The following GIGYF2 variants were observed in gnomAD, a reference collection of about 807,000 sequenced individuals.
GIGYF2 encodes GRB10-interacting GYF protein 2.
Under a neutral mutation model 208.1 loss-of-function variants are expected in GIGYF2, and 25 were observed. The ratio of observed to expected loss-of-function variants is 0.12; its 90% CI spans 0.09 to 0.17. The LOEUF (loss-of-function observed/expected upper bound fraction) is 0.17, where lower values mean the gene tolerates loss of function less well. GIGYF2 is among the 10% of genes least tolerant of loss of function. GIGYF2 has a pLI of 1.00. For synonymous variants in GIGYF2, 534 were observed against 543.8 expected (o/e 0.98, Z 0.25); for missense variants, 1,302 against 1,579.4 (o/e 0.82, Z 2.98).
intron 8 of GIGYF2, among the ~76,000 whole-genome samples, chr2:232,762,882 TG>T (rs1206465295): frequency 6.6e-6 from 1 of 151,916 alleles, no homozygotes; most frequent in African/African-American, 2.4e-5. Context: ...ACCTGCATGA[TG>T]GTATGTGCCT....
At chr2:232,733,257 CAAAAAAAAAAA>C (rs397868481) in intron 2 of GIGYF2, among the ~76,000 whole-genome samples, 2 of 91,208 alleles carry the variant, frequency 2.2e-5, no homozygotes, top group Non-Finnish European at 4.6e-5. Flanking sequence ...ACTCTTGTCT[CAAAAAAAAAAA>C]AAAAAAAAGT....
chr2:232,751,371 C>T (rs549909967), intron 5 of GIGYF2, among the ~76,000 whole-genome samples: 1 of 151,864 alleles, frequency 6.6e-6, no homozygotes. Context: ...TATACCAACA[C>T]GCCTGGCTAA....
At chr2:232,748,857 A>G in intron 4 of GIGYF2, 130 bp from the exon 5 acceptor site, 1 of 686,090 alleles carries the variant, frequency 1.5e-6, no homozygotes, top group Non-Finnish European at 2.7e-6. Flanking sequence ...TTATGGCTGA[A>G]TAAGCATTAA....
chr2:232,704,072 G>A (rs955616114), intron 2 of GIGYF2, among the ~76,000 whole-genome samples: 1 of 152,164 alleles, frequency 6.6e-6, no homozygotes, highest in Non-Finnish European at 1.5e-5. Flanking sequence ...TTGGCTGGTT[G>A]AACTTGGTTC....
At position 232,797,214 on chromosome 2, in the gene GIGYF2, G is replaced by A. The variant is rs148054315; in HGVS notation, c.1639+993G>A. On this transcript the variant is annotated intron_variant, in intron 14 of 28. Transcript: ENST00000373563. The stretch of plus-strand genomic sequence containing the variant: ...TGTAAGTTCGATTAGAATGGGCACA[G>A]AATGCTATCTATAAAGGATATTTGT... Among the ~76,000 whole-genome samples the A allele has an allele frequency of 7.6e-4, 115 of 152,280 alleles. 2 individuals are homozygous for A. In the East Asian group the frequency reaches 0.021, roughly 28 times the overall value.
At chr2:232,817,394 T>G (rs1370534816) in intron 20 of GIGYF2, among the ~76,000 whole-genome samples, 1 of 152,236 alleles carries the variant, frequency 6.6e-6, no homozygotes. Context: ...TGCTAACATA[T>G]ACATAACATA....
intron 2 of GIGYF2, among the ~76,000 whole-genome samples, chr2:232,708,484 C>G (rs1696233208): frequency 6.6e-6 from 1 of 151,866 alleles, no homozygotes; most frequent in African/African-American, 2.4e-5. Flanking sequence ...TATTGAGTAC[C>G]ATATCAATAT....
At chr2:232,810,492 G>GT (rs1271456793) in intron 16 of GIGYF2, 2 of 153,300 alleles carry the variant, frequency 1.3e-5, no homozygotes, top group Non-Finnish European at 2.9e-5. Context: ...AGTCAGTCAG[G>GT]TTTTGTTATG....
intron 2 of GIGYF2, among the ~76,000 whole-genome samples, chr2:232,712,112 C>G (rs2106258086): frequency 6.6e-6 from 1 of 152,002 alleles, no homozygotes; most frequent in South Asian, 2.1e-4. Flanking sequence ...CTTGAAAGGT[C>G]AAATTTTATA....
intron 6 of GIGYF2, among the ~76,000 whole-genome samples, chr2:232,759,870 CAGCTTT>C (rs1698680218): frequency 6.6e-6 from 1 of 152,062 alleles, no homozygotes. Flanking sequence ...GACACTCTAC[CAGCTTT>C]GTTGGTTCAA....
intron 2 of GIGYF2, among the ~76,000 whole-genome samples, chr2:232,708,887 C>T (rs932191729): frequency 4.0e-5 from 6 of 149,706 alleles, no homozygotes; most frequent in East Asian, 2.0e-4. Context: ...TTTGGGAAGC[C>T]GAGGTGGGTG....
At chr2:232,737,907 C>CTTTTTTT (rs11320395) in intron 3 of GIGYF2, among the ~76,000 whole-genome samples, 1 of 85,218 alleles carries the variant, frequency 1.2e-5, no homozygotes, top group Non-Finnish European at 2.2e-5. Context: ...TAAGCTTTAA[C>CTTTTTTT]TTTTTTTTTT....
rs1321529148 is a variant in GIGYF2, at chr2:232,857,655, G to T, written c.*795G>T. 1 of 152,620 alleles carries T rather than the reference G, an allele frequency of 6.6e-6. No homozygotes were observed. The highest frequency in any genetic ancestry group is 1.5e-5 in the Non-Finnish European group (1 of 68,044). 9.5% of individuals were successfully genotyped at this position (152,620 alleles called of 1,614,324 possible). ...TTAATTTTTCTTTCTTACAAAAACT[G>T]ATTTTTCCCATAAATATTTTTACTT... On this transcript the variant is annotated 3_prime_UTR_variant, in exon 29 of 29. Transcript: ENST00000373563.
At position 232,844,160 on chromosome 2, in the gene GIGYF2, C is replaced by T; in HGVS notation, c.3004C>T (p.Leu1002Phe). 1 of 1,569,110 alleles carries T rather than the reference C, an allele frequency of 6.4e-7. No individual in the cohort carries two copies. Reference sequence around the variant, plus strand: ...CAAACCTTCAGGTACCACGAAATCTCTTCTGGAGATCCAGCAGGAAGAGGC... The same window carrying T: ...CAAACCTTCAGGTACCACGAAATCTTTTCTGGAGATCCAGCAGGAAGAGGC... Reference protein sequence around the residue: ...VSKPSGTTKSLLEIQQEEARQ... With the variant: ...VSKPSGTTKSFLEIQQEEARQ... The change falls in exon 24 of 29, where the codon CTT becomes TTT. Residue 1002 changes from leucine (L) to phenylalanine (F), a missense_variant. Coordinates refer to ENST00000373563, the MANE Select transcript of GIGYF2 (RefSeq NM_001103146.3).
chr2:232,774,545 T>A (rs1410491626), intron 8 of GIGYF2, among the ~76,000 whole-genome samples: 1 of 152,188 alleles, frequency 6.6e-6, no homozygotes, highest in Non-Finnish European at 1.5e-5. Context: ...AATACTGTCA[T>A]TATAAATAAA....
intron 2 of GIGYF2, among the ~76,000 whole-genome samples, 170 bp downstream of exon 2, chr2:232,703,659 C>T (rs1695955035): frequency 6.6e-6 from 1 of 152,204 alleles, no homozygotes; most frequent in African/African-American, 2.4e-5. Context: ...GAGTAACATA[C>T]CCTTTCTGCA....
chr2:232,820,272 C>T (rs181405157), intron 21 of GIGYF2, among the ~76,000 whole-genome samples: 20 of 150,930 alleles, frequency 1.3e-4, no homozygotes, highest in African/African-American at 4.1e-4. Context: ...CAAACTAAAG[C>T]GGAATAGTAC....
intron 8 of GIGYF2, chr2:232,765,682 A>G (rs1698927002): frequency 5.2e-6 from 1 of 191,772 alleles, no homozygotes; most frequent in Admixed American, 5.7e-5. Context: ...TTAAAAAATA[A>G]TCCATATGAT....
At chr2:232,706,818 G>A (rs999064257) in intron 2 of GIGYF2, among the ~76,000 whole-genome samples, 2 of 151,596 alleles carry the variant, frequency 1.3e-5, no homozygotes, top group East Asian at 3.9e-4. Context: ...TAATTAGCTC[G>A]GTGTGGTAAT....
Sources: allele counts gnomAD v4.1 joint callset (sites outside exome capture counted in the v4.1 genomes callset), GRCh38; gene constraint gnomAD v4.1.1; transcripts MANE v1.5; gene names NCBI Gene and HGNC (gene_info 2026-07-23, HGNC 2026-07-21).